Variants in CTNNA3 observed in about 807,000 individuals in gnomAD.
CTNNA3 encodes the protein catenin alpha 3.
A neutral mutation model predicts 95.7 loss-of-function variants in CTNNA3; 76 were observed. The observed-to-expected ratio is 0.79, with a 90% CI of 0.66 to 0.96. The LOEUF (loss-of-function observed/expected upper bound fraction) is 0.96. Among genes scored for constraint, CTNNA3 ranks in the 40% least tolerant of loss-of-function variants. CTNNA3 has a pLI of 0.00. For synonymous variants in CTNNA3, 431 were observed against 374.4 expected (o/e 1.15, Z -1.74); for missense variants, 1,191 against 1,089.8 (o/e 1.09, Z -1.31).
chr10:66,925,291 C>G (rs1235665564), intron 7 of CTNNA3, among the ~76,000 whole-genome samples: 2 of 152,078 alleles, frequency 1.3e-5, no homozygotes, highest in Non-Finnish European at 2.9e-5. Flanking sequence ...AAAGAGAAAA[C>G]AACGTAGCCC....
intron 3 of CTNNA3, among the ~76,000 whole-genome samples, chr10:67,576,549 T>G (rs984947275): frequency 1.7e-4 from 25 of 151,358 alleles, no homozygotes; most frequent in Admixed American, 3.3e-4. Context: ...TTTCTTTATT[T>G]TATTTTATTT....
chr10:66,709,970 C>G (rs1332759265), intron 9 of CTNNA3, among the ~76,000 whole-genome samples: 3 of 152,116 alleles, frequency 2.0e-5, no homozygotes. Flanking sequence ...CTATACGTTG[C>G]TTTTGACCCT....
rs994252631 is a variant in CTNNA3, at chr10:66,346,462, A to T, written c.1732+32690T>A. Among the ~76,000 whole-genome samples, 28 of 151,814 alleles carry T rather than the reference A, an allele frequency of 1.8e-4. 1 individual carries two copies. Among genetic ancestry groups the T allele is most frequent in the Non-Finnish European group, 2.9e-5 (2 of 67,928 alleles). ...CTCGGCTAAGTTTTGTATTTTTAGT[A>T]AAGACGGGGCTTCACCATGTTGGCC... On this transcript the variant is annotated intron_variant, in intron 12 of 17. Coordinates refer to ENST00000433211, the MANE Select transcript of CTNNA3 (RefSeq NM_013266.4).
intron 7 of CTNNA3, among the ~76,000 whole-genome samples, chr10:66,877,194 T>A (rs1718800260): frequency 6.6e-6 from 1 of 152,116 alleles, no homozygotes; most frequent in African/African-American, 2.4e-5. Flanking sequence ...GACCTCAGTA[T>A]GGTAAGGGTT....
intron 3 of CTNNA3, among the ~76,000 whole-genome samples, chr10:67,583,791 C>A (rs180863794): frequency 6.6e-6 from 1 of 152,236 alleles, no homozygotes; most frequent in African/African-American, 2.4e-5. Context: ...CTTCTCTTCT[C>A]GCTTCGTTTA....
At chr10:67,695,419 A>T (rs1840945172) in intron 1 of CTNNA3, among the ~76,000 whole-genome samples, 1 of 152,174 alleles carries the variant, frequency 6.6e-6, no homozygotes, top group Non-Finnish European at 1.5e-5. Flanking sequence ...ATTACATCTC[A>T]TGATCATTCC....
chr10:66,450,555 A>C (rs1319153472), intron 11 of CTNNA3, among the ~76,000 whole-genome samples: 1 of 152,126 alleles, frequency 6.6e-6, no homozygotes, highest in African/African-American at 2.4e-5. Context: ...GATATCAAAG[A>C]ACATCACAGA....
At chr10:67,298,264 A>T (rs1276483054) in intron 5 of CTNNA3, among the ~76,000 whole-genome samples, 1 of 152,236 alleles carries the variant, frequency 6.6e-6, no homozygotes, top group Non-Finnish European at 1.5e-5. Context: ...GCATTTATCC[A>T]GTAAATGGTC....
intron 11 of CTNNA3, among the ~76,000 whole-genome samples, chr10:66,381,748 A>T (rs1233906856): frequency 6.6e-6 from 1 of 152,224 alleles, no homozygotes; most frequent in African/African-American, 2.4e-5. Flanking sequence ...CTAGGGCTTT[A>T]ACCTAATTTG....
At chr10:66,081,553 G>T (rs1416600951) in intron 14 of CTNNA3, among the ~76,000 whole-genome samples, 1 of 151,992 alleles carries the variant, frequency 6.6e-6, no homozygotes, top group Non-Finnish European at 1.5e-5. Context: ...TGGACAATTT[G>T]GTCAGTGAAA....
intron 1 of CTNNA3, among the ~76,000 whole-genome samples, chr10:67,682,153 C>T (rs1249103461): frequency 5.4e-5 from 8 of 147,008 alleles, no homozygotes; most frequent in Admixed American, 3.4e-4. Context: ...AGCAAAACCC[C>T]GTCTCAAAAA....
intron 17 of CTNNA3, among the ~76,000 whole-genome samples, chr10:65,940,621 G>A (rs1038973337): frequency 1.8e-4 from 27 of 152,150 alleles, no homozygotes; most frequent in Admixed American, 5.9e-4. Flanking sequence ...TTACACACAT[G>A]TGGTTTTAGC....
intron 11 of CTNNA3, among the ~76,000 whole-genome samples, chr10:66,475,122 T>C (rs532719838): frequency 6.6e-6 from 1 of 152,000 alleles, no homozygotes; most frequent in Non-Finnish European, 1.5e-5. Flanking sequence ...TTGTTGTCTG[T>C]GCTTTTGAAT....
intron 9 of CTNNA3, among the ~76,000 whole-genome samples, chr10:66,727,292 T>C (rs1303747178): frequency 2.0e-5 from 3 of 151,916 alleles, no homozygotes; most frequent in East Asian, 3.9e-4. Flanking sequence ...GGAAAAAATA[T>C]CAAGAATAGC....
chr10:67,120,693 G>C (rs1859418910), intron 7 of CTNNA3, among the ~76,000 whole-genome samples: 1 of 152,000 alleles, frequency 6.6e-6, no homozygotes, highest in African/African-American at 2.4e-5. Flanking sequence ...CTCACCTACT[G>C]TATATATCTT....
chr10:66,927,856 T>C lies in CTNNA3; in HGVS notation c.1048-152332A>G. ...TGACATCAGTCTTGCTGGGAATATATGGGAATGCAGCAGAAATATTTGCTC... is the reference window on the plus strand; with the variant it reads ...TGACATCAGTCTTGCTGGGAATATACGGGAATGCAGCAGAAATATTTGCTC... On this transcript the variant is annotated intron_variant, in intron 7 of 17. Coordinates refer to ENST00000433211, the MANE Select transcript of CTNNA3 (RefSeq NM_013266.4). The surrounding 1 kb of genome is among the most constrained non-coding windows in gnomAD (Gnocchi z 4.7). 6.2e-7 allele frequency: 1 copy of C among 1,614,250 alleles called. No individual in the cohort carries two copies. The highest frequency in any genetic ancestry group is 1.1e-5 in the South Asian group (1 of 91,086).
At chr10:66,968,103 A>C (rs577618960) in intron 7 of CTNNA3, among the ~76,000 whole-genome samples, 2 of 152,036 alleles carry the variant, frequency 1.3e-5, no homozygotes, top group South Asian at 2.1e-4. Context: ...AGCCTGAAAA[A>C]CCCAATCTGT....
At chr10:67,198,836 C>T (rs1863500487) in intron 6 of CTNNA3, among the ~76,000 whole-genome samples, 1 of 152,130 alleles carries the variant, frequency 6.6e-6, no homozygotes, top group African/African-American at 2.4e-5. Flanking sequence ...AATGTTAAAC[C>T]AACATCATTC....
intron 12 of CTNNA3, among the ~76,000 whole-genome samples, chr10:66,306,645 C>T (rs4523585): frequency 0.26 from 39,828 of 152,044 alleles, 5,494 homozygotes; most frequent in African/African-American, 0.32. Flanking sequence ...AATTGAAAGA[C>T]GGTACTATAA....
Sources: allele counts gnomAD v4.1 joint callset (sites outside exome capture counted in the v4.1 genomes callset), GRCh38; gene constraint gnomAD v4.1.1; non-coding constraint Gnocchi (gnomAD v3.1); transcripts MANE v1.5; gene names NCBI Gene and HGNC (gene_info 2026-07-23, HGNC 2026-07-21).